HS6ST2: variants seen among roughly 807,000 people sequenced by gnomAD.
The protein encoded by HS6ST2 is heparan sulfate 6-O-sulfotransferase 2.
Under a neutral mutation model 33.0 loss-of-function variants are expected in HS6ST2, and 17 were observed. The ratio of observed to expected loss-of-function variants is 0.52; its 90% confidence interval spans 0.35 to 0.77. HS6ST2 has a LOEUF of 0.77. Among genes scored for constraint, HS6ST2 ranks in the 30% least tolerant of loss-of-function variants. The probability of loss-of-function intolerance (pLI) is 0.01; values close to 1 mark genes in which losing one functional copy is unlikely to be tolerated. For missense variants in HS6ST2, 519 were observed against 551.7 expected (o/e 0.94, Z 0.59); for synonymous variants, 248 against 237.1 (o/e 1.05, Z -0.42).
intron 3 of HS6ST2, among the ~76,000 whole-genome samples, chrX:132,680,927 G>A (rs1330101279): frequency 9.1e-6 from 1 of 110,276 alleles, no homozygotes; most frequent in Non-Finnish European, 1.9e-5. Context: ...TTAAACCTGG[G>A]AGGCAGAGGT....
chrX:132,957,411 C>A, intron 1 of HS6ST2, 85 bp from the exon 2 acceptor site: 1 of 1,004,466 alleles, frequency 1.0e-6, no homozygotes, highest in Non-Finnish European at 1.3e-6. Context: ...TCCCCTGGAG[C>A]CGCTGCTGCG....
chrX:132,734,254 C>T (rs888147049), intron 2 of HS6ST2, among the ~76,000 whole-genome samples: 17 of 108,362 alleles, frequency 1.6e-4, no homozygotes, highest in Non-Finnish European at 3.1e-4. Flanking sequence ...ATTAACAAAA[C>T]GGGAAGGCAT....
At chrX:132,707,760 T>C (rs1217244568) in intron 3 of HS6ST2, among the ~76,000 whole-genome samples, 2 of 112,023 alleles carry the variant, frequency 1.8e-5, no homozygotes, top group African/African-American at 3.2e-5. Context: ...GACTTATGGT[T>C]CTTGCTAGAC....
At chrX:132,780,664 G>A in intron 2 of HS6ST2, among the ~76,000 whole-genome samples, 1 of 111,431 alleles carries the variant, frequency 9.0e-6, no homozygotes, top group Non-Finnish European at 1.9e-5. Context: ...ATGAAAATAA[G>A]AGTTTCCACC....
chrX:132,787,255 A>G (rs1342214193), intron 2 of HS6ST2, among the ~76,000 whole-genome samples: 1 of 89,763 alleles, frequency 1.1e-5, no homozygotes, highest in Non-Finnish European at 2.1e-5. Flanking sequence ...ATGTATATAT[A>G]TGTATATATT....
chrX:132,897,725 T>C (rs187303190), intron 2 of HS6ST2, among the ~76,000 whole-genome samples: 44 of 111,650 alleles, frequency 3.9e-4, no homozygotes, highest in African/African-American at 1.4e-3. Context: ...TTCTGCCCTA[T>C]GCTGATGTTC....
rs60731804 is a variant in HS6ST2 at position 132,665,750 on chromosome X, GTT to G, written c.1067+3361_1067+3362del. 1.9e-3 allele frequency among the ~76,000 whole-genome samples: 199 copies of G among 104,580 alleles called. 1 individual carries two copies. The highest frequency in any genetic ancestry group is 6.6e-3 in the African/African-American group (189 of 28,653). The allele number at this position is 104,580 out of a possible 115,157, so 90.8% of individuals were successfully genotyped here. The stretch of plus-strand genomic sequence containing the variant: ...CTCAGTGACACAGTTCTGCACTGAA[GTT>G]TTTTTTTTTTCTGTCTTGTCAATTT... On this transcript the variant is annotated intron_variant, in intron 4 of 4. Coordinates refer to ENST00000370833, the MANE Select transcript of HS6ST2 (RefSeq NM_001394073.1).
chrX:132,702,002 A>G (rs766009642), intron 3 of HS6ST2, among the ~76,000 whole-genome samples: 5 of 112,239 alleles, frequency 4.5e-5, no homozygotes, highest in Non-Finnish European at 9.4e-5. Context: ...AACAAGACAC[A>G]ATGTTTTAAG....
At position 132,911,495 on chromosome X, in the gene HS6ST2, C is replaced by T. The variant is rs763320017; in HGVS notation, c.947+45313G>A. 2.7e-5 allele frequency among the ~76,000 whole-genome samples: 3 copies of T among 112,198 alleles called. No individual in the cohort carries two copies. The South Asian group carries it at 1.1e-3, about 42-fold the overall frequency. On this transcript the variant is annotated intron_variant, in intron 2 of 4. Transcript: ENST00000370833. ...CAGGCAAGGACATTTATCCCAGGGACAAATCAACCTCAGGGTCTTTGCAAT... is the reference window on the plus strand; with the variant it reads ...CAGGCAAGGACATTTATCCCAGGGATAAATCAACCTCAGGGTCTTTGCAAT...
intron 2 of HS6ST2, among the ~76,000 whole-genome samples, chrX:132,717,732 T>C: frequency 8.9e-6 from 1 of 112,041 alleles, no homozygotes; most frequent in East Asian, 2.8e-4. Context: ...TTGGCAGGTG[T>C]AATATTCATA....
chrX:132,724,465 T>C (rs2064372954), intron 2 of HS6ST2, among the ~76,000 whole-genome samples: 1 of 111,475 alleles, frequency 9.0e-6, no homozygotes, highest in Admixed American at 9.5e-5. Flanking sequence ...AAAAGATCTC[T>C]ATAAAAAAAC....
rs562201335 is a variant in HS6ST2 at position 132,957,701 on chromosome X, G to A, written c.429-375C>T. Among the ~76,000 whole-genome samples, 51 of 109,113 alleles carry A rather than the reference G, an allele frequency of 4.7e-4. 1 individual carries two copies. In the South Asian group the frequency reaches 0.019, roughly 41 times the overall value. The allele number at this position is 109,113 out of a possible 115,157, so 94.8% of individuals were successfully genotyped here. Reference sequence around the variant, plus strand: ...ACTCACGCCCCCAGTCCGGGCCCCCGCGTGTCTCGCTCCACTCTCGGTGGC... The same window carrying A: ...ACTCACGCCCCCAGTCCGGGCCCCCACGTGTCTCGCTCCACTCTCGGTGGC... On this transcript the variant is annotated intron_variant, in intron 1 of 4. Transcript: ENST00000370833.
chrX:132,855,196 C>T lies in HS6ST2; in HGVS notation c.947+101612G>A, dbSNP rs968172573. Among the ~76,000 whole-genome samples, 6 of 111,921 alleles carry T rather than the reference C, an allele frequency of 5.4e-5. No homozygotes were observed. In the Admixed American group the frequency reaches 5.7e-4, roughly 11 times the overall value. ...TAGCTCTTCAATCCATAGACCAGCA[C>T]TGGGGCTCTCCAGCACTCACAATGA... On this transcript the variant is annotated intron_variant, in intron 2 of 4. Transcript: ENST00000370833.
At chrX:132,783,241 C>T (rs1467636160) in intron 2 of HS6ST2, among the ~76,000 whole-genome samples, 5 of 111,621 alleles carry the variant, frequency 4.5e-5, no homozygotes, top group Non-Finnish European at 9.4e-5. Flanking sequence ...TGAATGAATA[C>T]CCTGGTGCCT....
At chrX:132,882,925 C>T (rs1486982110) in intron 2 of HS6ST2, among the ~76,000 whole-genome samples, 2 of 111,209 alleles carry the variant, frequency 1.8e-5, no homozygotes, top group Admixed American at 9.6e-5. Context: ...TGCTGGATTA[C>T]GTTCATTGAT....
intron 2 of HS6ST2, among the ~76,000 whole-genome samples, chrX:132,932,780 A>C (rs2066786814): frequency 9.3e-6 from 1 of 107,661 alleles, no homozygotes; most frequent in African/African-American, 3.3e-5. Context: ...TGTCTCATTA[A>C]ATATATAATA....
At chrX:132,676,840 T>A (rs780290905) in intron 3 of HS6ST2, among the ~76,000 whole-genome samples, 9 of 112,195 alleles carry the variant, frequency 8.0e-5, no homozygotes, top group African/African-American at 2.6e-4. Context: ...ATCAGCTGTA[T>A]CCATTGTCTC....
chrX:132,738,899 T>C (rs1051499597), intron 2 of HS6ST2, among the ~76,000 whole-genome samples: 2 of 111,755 alleles, frequency 1.8e-5, no homozygotes, highest in Non-Finnish European at 3.8e-5. Context: ...TAAAAGGAGA[T>C]ACTTGAATGA....
intron 2 of HS6ST2, among the ~76,000 whole-genome samples, chrX:132,772,961 AAT>A (rs2064921472): frequency 1.2e-5 from 1 of 86,376 alleles, no homozygotes. Flanking sequence ...ATTATATATT[AAT>A]ATATAATATA....
Sources: gnomAD v4.1 joint callset for allele counts (sites outside exome capture counted in the v4.1 genomes callset) on GRCh38, gnomAD v4.1.1 for gene constraint, MANE v1.5 for transcripts, NCBI Gene and HGNC (gene_info 2026-07-23, HGNC 2026-07-21) for gene names.